SLMAP: variants seen among roughly 807,000 people sequenced by gnomAD.
SLMAP encodes sarcolemma associated protein, also known as sarcolemmal membrane-associated protein.
SLMAP carries 44 observed loss-of-function variants against 128.8 expected under a neutral mutation model. The observed-to-expected ratio is 0.34, with a 90% confidence interval of 0.27 to 0.44. The LOEUF (loss-of-function observed/expected upper bound fraction) is 0.44, where lower values mean the gene tolerates loss of function less well. Ranked by LOEUF, SLMAP falls within the 20% of genes least tolerant of loss-of-function variation. The pLI is 1.00. For synonymous variants in SLMAP, 327 were observed against 348.8 expected, an observed-to-expected ratio of 0.94 and a Z score of 0.70; for missense variants, 787 against 985.3, an observed-to-expected ratio of 0.80 and a Z score of 2.69.
At chr3:57,885,768 G>GTTTTTTT (rs2095866001) in intron 14 of SLMAP, among the ~76,000 whole-genome samples, 2 of 88,278 alleles carry the variant, frequency 2.3e-5, no homozygotes, top group African/African-American at 4.0e-5. Context: ...TCGGTTTTTG[G>GTTTTTTT]TTCTTTTTTT....
intron 2 of SLMAP, among the ~76,000 whole-genome samples, chr3:57,822,384 C>A (rs2092593150): frequency 6.6e-6 from 1 of 152,128 alleles, no homozygotes; most frequent in African/African-American, 2.4e-5. Context: ...GGCTCAGTTT[C>A]TTAATCTGAT....
chr3:57,896,833 A>G (rs2096254736), intron 16 of SLMAP, 40 bp from the exon 17 acceptor site: 1 of 1,561,430 alleles, frequency 6.4e-7, no homozygotes, highest in Non-Finnish European at 8.6e-7. Context: ...AGATCTGAAT[A>G]CTGTCTGTAA....
chr3:57,925,892 G>C lies in SLMAP; in HGVS notation c.2493G>C (p.Leu831=). 1 of 1,550,956 alleles carries C rather than the reference G, an allele frequency of 6.4e-7. No homozygotes were observed. Among genetic ancestry groups the C allele is most frequent in the East Asian group, 2.4e-5 (1 of 40,928 alleles). ...CAGCCGTATTCATCGGCCTATTCCT[G>C]GCTTTCCTGTTTTGGTGTTTCGGTC... is the stretch of plus-strand genomic sequence containing the variant. ...PVPAVFIGLF[L]AFLFWCFGPL... is the part of the protein sequence containing the mutation. Residue 831 remains leucine (L), a synonymous_variant, in exon 24 of 25, where the codon CTG becomes CTC. Transcript: ENST00000671191.
chr3:57,886,921 G>A lies in SLMAP; in HGVS notation c.1301-3120G>A, dbSNP rs192385700. Among the ~76,000 whole-genome samples the A allele has an allele frequency of 6.9e-3, 1,046 of 152,200 alleles. 5 individuals are homozygous for A. Among genetic ancestry groups the A allele is most frequent in the Non-Finnish European group, 0.011 (772 of 68,012 alleles). ...AGCAGATGTGGGACTGCCAGGGACCGGTGAGGTGGAGGTGGGGAATAAATG... is the reference window on the plus strand; with the variant it reads ...AGCAGATGTGGGACTGCCAGGGACCAGTGAGGTGGAGGTGGGGAATAAATG... On this transcript the variant is annotated intron_variant, in intron 14 of 24. Coordinates refer to ENST00000671191, the MANE Select transcript of SLMAP (RefSeq NM_001377540.1).
Position 57,824,528 on chromosome 3 carries a change from A to C in SLMAP, c.199-6855A>C, listed in dbSNP as rs79149751. Among the ~76,000 whole-genome samples the C allele has an allele frequency of 4.1e-4, 62 of 152,240 alleles. No homozygotes were observed. The East Asian group carries it at 0.012, about 29-fold the overall frequency. ...TTATTGAAGAGATGATTCTTTCCTCATTGAATGGACTTTGAAAATCACTAG... is the reference window on the plus strand; with the variant it reads ...TTATTGAAGAGATGATTCTTTCCTCCTTGAATGGACTTTGAAAATCACTAG... On this transcript the variant is annotated intron_variant, in intron 2 of 24. Coordinates refer to ENST00000671191, the MANE Select transcript of SLMAP (RefSeq NM_001377540.1).
At chr3:57,786,104 A>AATG (rs2084033211) in intron 2 of SLMAP, among the ~76,000 whole-genome samples, 1 of 152,208 alleles carries the variant, frequency 6.6e-6, no homozygotes, top group South Asian at 2.1e-4. Context: ...CCTGGTGTTA[A>AATG]ATGATATTAT....
chr3:57,850,720 G>A (rs2153580045), intron 6 of SLMAP, among the ~76,000 whole-genome samples: 1 of 152,226 alleles, frequency 6.6e-6, no homozygotes, highest in African/African-American at 2.4e-5. Flanking sequence ...TACAACCTCT[G>A]CCTCCTGGGC....
intron 17 of SLMAP, chr3:57,900,992 T>A (rs901315141): frequency 6.6e-6 from 1 of 152,218 alleles, no homozygotes; most frequent in African/African-American, 2.4e-5. Flanking sequence ...AAGTTCCCCT[T>A]CATAACCTTC....
chr3:57,827,064 G>A (rs1235210548), intron 2 of SLMAP, among the ~76,000 whole-genome samples: 2 of 152,172 alleles, frequency 1.3e-5, no homozygotes, highest in Admixed American at 6.5e-5. Context: ...TTTTGTTGCA[G>A]TATCTGCTAT....
chr3:57,767,293 G>A (rs1053712426), intron 2 of SLMAP, among the ~76,000 whole-genome samples: 9 of 152,202 alleles, frequency 5.9e-5, no homozygotes, highest in African/African-American at 1.9e-4. Flanking sequence ...CATCAGATGT[G>A]AACTCTTGAG....
At chr3:57,829,180 T>C (rs2093154202) in intron 2 of SLMAP, among the ~76,000 whole-genome samples, 1 of 152,192 alleles carries the variant, frequency 6.6e-6, no homozygotes, top group Non-Finnish European at 1.5e-5. Context: ...ATATATATGT[T>C]GTATATATAT....
At chr3:57,786,885 C>T (rs899152097) in intron 2 of SLMAP, among the ~76,000 whole-genome samples, 3 of 152,166 alleles carry the variant, frequency 2.0e-5, no homozygotes, top group East Asian at 3.9e-4. Context: ...AGGCGCCTGC[C>T]ATCACGCCTG....
At chr3:57,827,728 G>C (rs1427581555) in intron 2 of SLMAP, among the ~76,000 whole-genome samples, 1 of 152,194 alleles carries the variant, frequency 6.6e-6, no homozygotes, top group Non-Finnish European at 1.5e-5. Context: ...GGGAAAGAAA[G>C]ATAGTTAAGA....
At chr3:57,918,912 G>A (rs760937757) in intron 22 of SLMAP, among the ~76,000 whole-genome samples, 1 of 152,084 alleles carries the variant, frequency 6.6e-6, no homozygotes, top group Non-Finnish European at 1.5e-5. Flanking sequence ...AATATTGTGT[G>A]GTATTTCCCT....
chr3:57,887,310 A>G (rs905200531), intron 14 of SLMAP, among the ~76,000 whole-genome samples: 3 of 151,244 alleles, frequency 2.0e-5, no homozygotes, highest in African/African-American at 2.4e-5. Flanking sequence ...GCTCACCTCA[A>G]TCTCCGCTTC....
intron 9 of SLMAP, among the ~76,000 whole-genome samples, chr3:57,861,346 A>G (rs1348568927): frequency 6.6e-5 from 10 of 152,122 alleles, no homozygotes; most frequent in African/African-American, 2.4e-4. Context: ...TGCTTTGGGG[A>G]AAAAAATTCT....
intron 10 of SLMAP, 102 bp from the exon 11 acceptor site, chr3:57,864,446 A>G (rs1218956746): frequency 1.4e-6 from 1 of 704,088 alleles, no homozygotes; most frequent in African/African-American, 1.9e-5. Context: ...TTTCTACAGA[A>G]CAAACTTTTC....
At chr3:57,890,995 G>GA (rs1314724677) in intron 15 of SLMAP, 4 of 151,940 alleles carry the variant, frequency 2.6e-5, no homozygotes, top group Admixed American at 6.6e-5. Flanking sequence ...CATATTTGGG[G>GA]AAAAAATGCA....
intron 2 of SLMAP, among the ~76,000 whole-genome samples, chr3:57,782,838 G>A (rs1050176887): frequency 3.2e-4 from 49 of 152,070 alleles, no homozygotes; most frequent in African/African-American, 1.1e-3. Flanking sequence ...TGTTATAAAA[G>A]TGAGCTTGGC....
Sources: gnomAD v4.1 joint callset for allele counts (sites outside exome capture counted in the v4.1 genomes callset) on GRCh38, gnomAD v4.1.1 for gene constraint, MANE v1.5 for transcripts, NCBI Gene and HGNC (gene_info 2026-07-23, HGNC 2026-07-21) for gene names.